The following FGGY variants were observed in gnomAD, a reference collection of about 807,000 sequenced individuals.
FGGY encodes the protein FGGY carbohydrate kinase domain containing.
FGGY carries 72 observed loss-of-function variants against 71.3 expected under a neutral mutation model. That is an observed-to-expected ratio of 1.01 (90% CI 0.84 to 1.23). The LOEUF is 1.23. FGGY is among the 50% of genes most tolerant of loss of function. The pLI, the probability that FGGY is intolerant of heterozygous loss-of-function variation, is 0.00. For missense variants in FGGY, 668 were observed against 682.3 expected, an observed-to-expected ratio of 0.98 and a Z score of 0.23; for synonymous variants, 251 against 250.3, an observed-to-expected ratio of 1.00 and a Z score of -0.02.
chr1:59,620,635 T>C (rs1336584239), intron 9 of FGGY, among the ~76,000 whole-genome samples: 1 of 152,130 alleles, frequency 6.6e-6, no homozygotes, highest in Non-Finnish European at 1.5e-5. Context: ...AAGAATTCAA[T>C]TTTAAGTTAT....
At chr1:59,671,277 G>A (rs775228991) in intron 13 of FGGY, among the ~76,000 whole-genome samples, 73 of 152,214 alleles carry the variant, frequency 4.8e-4, no homozygotes, top group Non-Finnish European at 6.8e-4. Context: ...TAGGTTAACC[G>A]GAGGGAAGTT....
rs139812840 is a variant in FGGY at position 59,633,420 on chromosome 1, C to G, written c.1074-4808C>G. ...TCTGTGCTGATTTAGGACATAAATC[C>G]TCTTATTTTCTACCTCCCAACTGGT... On this transcript the variant is annotated intron_variant, in intron 10 of 15. Coordinates refer to ENST00000303721, the MANE Select transcript of FGGY (RefSeq NM_018291.5). 7.1e-4 allele frequency among the ~76,000 whole-genome samples: 108 copies of G among 152,248 alleles called. 2 individuals are homozygous for G. Among genetic ancestry groups the G allele is most frequent in the African/African-American group, 2.4e-3 (100 of 41,562 alleles).
At chr1:59,345,386 C>G (rs2051621155) in intron 3 of FGGY, among the ~76,000 whole-genome samples, 1 of 152,090 alleles carries the variant, frequency 6.6e-6, no homozygotes, top group Non-Finnish European at 1.5e-5. Flanking sequence ...CTGGCTTGCC[C>G]ATTGGTACAG....
intron 14 of FGGY, among the ~76,000 whole-genome samples, chr1:59,744,571 C>T (rs1177747296): frequency 6.6e-6 from 1 of 152,232 alleles, no homozygotes; most frequent in African/African-American, 2.4e-5. Context: ...CTAATCTAGC[C>T]AGTCTAGAGC....
chr1:59,722,787 C>CT (rs935934294), intron 14 of FGGY, among the ~76,000 whole-genome samples: 52 of 151,976 alleles, frequency 3.4e-4, no homozygotes, highest in African/African-American at 9.4e-4. Context: ...GAGTCTGATT[C>CT]TTTTTTTTGT....
intron 5 of FGGY, among the ~76,000 whole-genome samples, chr1:59,380,960 A>AG (rs1393931135): frequency 6.6e-6 from 1 of 152,026 alleles, no homozygotes; most frequent in African/African-American, 2.4e-5. Context: ...TCTTGAATTA[A>AG]TTTTTGTATA....
intron 14 of FGGY, among the ~76,000 whole-genome samples, chr1:59,696,824 T>A (rs1573365007): frequency 6.6e-6 from 1 of 152,136 alleles, no homozygotes; most frequent in African/African-American, 2.4e-5. Context: ...GAATCTGAAC[T>A]GAGAACTGGA....
chr1:59,479,942 T>C (rs1356532287), intron 6 of FGGY, among the ~76,000 whole-genome samples: 1 of 152,176 alleles, frequency 6.6e-6, no homozygotes, highest in African/African-American at 2.4e-5. Flanking sequence ...CACCACCCTC[T>C]TTTCTATATG....
intron 11 of FGGY, among the ~76,000 whole-genome samples, chr1:59,644,721 T>A (rs903190143): frequency 5.3e-5 from 8 of 152,052 alleles, no homozygotes; most frequent in African/African-American, 1.2e-4. Context: ...CTCACGCCTG[T>A]AATCCCAGCA....
intron 1 of FGGY, among the ~76,000 whole-genome samples, chr1:59,313,303 C>A (rs1427259682): frequency 2.6e-5 from 4 of 152,218 alleles, no homozygotes; most frequent in Non-Finnish European, 5.9e-5. Flanking sequence ...TTGGAGGACA[C>A]AAGCATTCAG....
chr1:59,568,308 T>C (rs2095911525), intron 8 of FGGY, among the ~76,000 whole-genome samples: 1 of 152,158 alleles, frequency 6.6e-6, no homozygotes, highest in Non-Finnish European at 1.5e-5. Flanking sequence ...GAGCCTGTGC[T>C]CTCTTATTCA....
intron 1 of FGGY, among the ~76,000 whole-genome samples, chr1:59,314,794 TAC>T (rs2153105451): frequency 1.3e-5 from 2 of 152,366 alleles, no homozygotes; most frequent in South Asian, 2.1e-4. Flanking sequence ...GCACTGGGGA[TAC>T]AGAGGTGGAT....
At chr1:59,526,741 T>C (rs369175083) in intron 7 of FGGY, among the ~76,000 whole-genome samples, 1 of 152,204 alleles carries the variant, frequency 6.6e-6, no homozygotes, top group South Asian at 2.1e-4. Flanking sequence ...GCCATTCAAA[T>C]GTGCGAGAGG....
intron 8 of FGGY, among the ~76,000 whole-genome samples, chr1:59,584,235 A>G (rs1296542404): frequency 6.7e-6 from 1 of 149,738 alleles, no homozygotes; most frequent in Non-Finnish European, 1.5e-5. Flanking sequence ...ATTTTAGACC[A>G]ATATCCCTGA....
chr1:59,448,307 C>CTT (rs2153491754), intron 5 of FGGY, among the ~76,000 whole-genome samples: 2 of 152,228 alleles, frequency 1.3e-5, no homozygotes, highest in South Asian at 4.1e-4. Flanking sequence ...TCAGAAGCCT[C>CTT]TTTTTGTTTT....
chr1:59,490,612 C>A (rs2093800213), intron 6 of FGGY, among the ~76,000 whole-genome samples: 1 of 152,064 alleles, frequency 6.6e-6, no homozygotes, highest in South Asian at 2.1e-4. Context: ...TATCCTGAAG[C>A]ATTTCCCCTA....
At chr1:59,633,733 A>G (rs1448341096) in intron 10 of FGGY, among the ~76,000 whole-genome samples, 2 of 152,230 alleles carry the variant, frequency 1.3e-5, no homozygotes. Context: ...CCTGGAACTC[A>G]TAAGAAAGAA....
chr1:59,701,021 G>A (rs1410857188), intron 14 of FGGY, among the ~76,000 whole-genome samples: 1 of 152,156 alleles, frequency 6.6e-6, no homozygotes, highest in Non-Finnish European at 1.5e-5. Flanking sequence ...TCCTTTCTCT[G>A]CTGCCAACAC....
At chr1:59,472,213 G>A (rs967301572) in intron 6 of FGGY, among the ~76,000 whole-genome samples, 5 of 152,184 alleles carry the variant, frequency 3.3e-5, no homozygotes, top group African/African-American at 4.8e-5. Flanking sequence ...GGCGGACCCC[G>A]CACTTGGAGC....
Sources: gnomAD v4.1 joint callset for allele counts (sites outside exome capture counted in the v4.1 genomes callset) on GRCh38, gnomAD v4.1.1 for gene constraint, MANE v1.5 for transcripts, NCBI Gene and HGNC (gene_info 2026-07-23, HGNC 2026-07-21) for gene names.